The following LRBA variants were observed in gnomAD, a reference collection of about 807,000 sequenced individuals.
The protein encoded by LRBA is lipopolysaccharide-responsive and beige-like anchor protein.
Under a neutral mutation model 330.0 loss-of-function variants are expected in LRBA, and 176 were observed. The ratio of observed to expected loss-of-function variants is 0.53; its 90% CI spans 0.47 to 0.60. The LOEUF (loss-of-function observed/expected upper bound fraction) is 0.60, where lower values mean the gene tolerates loss of function less well. Ranked by LOEUF, LRBA falls within the 20% of genes least tolerant of loss-of-function variation. The pLI is 0.00. For synonymous variants in LRBA, 1,230 were observed against 1,193.0 expected, an observed-to-expected ratio of 1.03 and a Z score of -0.64; for missense variants, 3,259 against 3,444.8, an observed-to-expected ratio of 0.95 and a Z score of 1.35.
Position 150,896,377 on chromosome 4 carries a change from T to A in LRBA, c.2067+17A>T, listed in dbSNP as rs764206843. ...CTTCAAAAATTAAAATTTCAAAATA[T>A]AAAATTCATATATTACCTCATGCAT... On this transcript the variant is annotated intron_variant, in intron 16 of 56. Transcript: ENST00000651943. The A allele has an allele frequency of 3.0e-6, 4 of 1,343,972 alleles. No individual in the cohort carries two copies. Among genetic ancestry groups the A allele is most frequent in the Non-Finnish European group, 4.1e-6 (4 of 964,254 alleles). 83.3% of individuals were successfully genotyped at this position (1,343,972 alleles called of 1,614,324 possible).
At chr4:150,605,602 G>C (rs1406561368) in intron 37 of LRBA, among the ~76,000 whole-genome samples, 1 of 151,892 alleles carries the variant, frequency 6.6e-6, no homozygotes, top group Non-Finnish European at 1.5e-5. Context: ...GAAATAAATG[G>C]TAACCCCTAA....
chr4:150,759,305 C>A lies in LRBA; in HGVS notation c.5645+2478G>T, dbSNP rs147695727. 7.2e-5 allele frequency among the ~76,000 whole-genome samples: 11 copies of A among 152,304 alleles called. No homozygotes were observed. The East Asian group carries it at 2.1e-3, about 29-fold the overall frequency. On this transcript the variant is annotated intron_variant, in intron 35 of 56. Coordinates refer to ENST00000651943, the MANE Select transcript of LRBA (RefSeq NM_001364905.1). ...CTGTCATTTCCCACAGAATAAATTA[C>A]AAAGCCTCTACACAAAATCTTGCCC... is the stretch of plus-strand genomic sequence containing the variant.
intron 47 of LRBA, among the ~76,000 whole-genome samples, chr4:150,412,877 G>A (rs538425391): frequency 6.6e-6 from 1 of 150,786 alleles, no homozygotes; most frequent in East Asian, 1.9e-4. Context: ...CTAATATTTA[G>A]TTAAAACATT....
In LRBA at chr4:150,778,021, C is replaced by T. The variant is rs570646373; in HGVS notation, c.5581-16174G>A. Among the ~76,000 whole-genome samples the T allele has an allele frequency of 1.3e-4, 19 of 147,492 alleles. No individual in the cohort carries two copies. In the South Asian group the frequency reaches 1.5e-3, roughly 12 times the overall value. On this transcript the variant is annotated intron_variant, in intron 34 of 56. Coordinates refer to ENST00000651943, the MANE Select transcript of LRBA (RefSeq NM_001364905.1). ...AAAACTAGGCAAAACTGTTCATGCT[C>T]AAGATACAGTAATCTTAAGTGCTCA...
chr4:150,412,256 T>C (rs1175560456), intron 47 of LRBA, among the ~76,000 whole-genome samples: 4 of 152,164 alleles, frequency 2.6e-5, no homozygotes, highest in African/African-American at 9.7e-5. Flanking sequence ...AAGACATCTA[T>C]AAAACTCAAG....
Position 150,906,426 on chromosome 4 carries a change from G to A in LRBA, c.1494-21C>T, listed in dbSNP as rs116169005. ...TTGAACTAGAATTTTTTAAAAAGGC[G>A]ATGATTAAAAAAACATATTCTATTT... On this transcript the variant is annotated intron_variant, in intron 11 of 56. Transcript: ENST00000651943. The A allele has an allele frequency of 1.3e-3, 1,721 of 1,295,682 alleles. 18 individuals carry two copies. The African/African-American group carries it at 0.02, about 15-fold the overall frequency. The allele number at this position is 1,295,682 out of a possible 1,614,324, so 80.3% of individuals were successfully genotyped here. A position where few individuals can be genotyped will look rare whatever the true frequency, so the allele number is the denominator to read the frequency against.
chr4:150,825,655 G>A (rs1347842838), intron 30 of LRBA, among the ~76,000 whole-genome samples: 1 of 152,070 alleles, frequency 6.6e-6, no homozygotes, highest in Non-Finnish European at 1.5e-5. Context: ...TGTCTCTCCA[G>A]TAAACTGTGT....
At chr4:150,851,633 C>T (rs1238182195) in intron 23 of LRBA, among the ~76,000 whole-genome samples, 2 of 152,128 alleles carry the variant, frequency 1.3e-5, no homozygotes, top group Non-Finnish European at 2.9e-5. Context: ...TAAAATTATA[C>T]CAATCCTTCA....
intron 2 of LRBA, among the ~76,000 whole-genome samples, chr4:150,996,628 T>G (rs955510818): frequency 6.6e-6 from 1 of 152,216 alleles, no homozygotes; most frequent in Non-Finnish European, 1.5e-5. Context: ...GATAAAAGTT[T>G]TAAAATAATT....
chr4:151,010,638 T>C (rs1303851480), intron 2 of LRBA, among the ~76,000 whole-genome samples: 5 of 152,020 alleles, frequency 3.3e-5, no homozygotes, highest in African/African-American at 4.8e-5. Context: ...CCCAGCACTT[T>C]GGGAAGGCCA....
chr4:150,578,955 G>T, intron 40 of LRBA: 1 of 279,124 alleles, frequency 3.6e-6, no homozygotes, highest in African/African-American at 2.2e-5. Context: ...CAAATAAAAT[G>T]TCCTGCAGCC....
intron 28 of LRBA, among the ~76,000 whole-genome samples, chr4:150,832,575 G>A (rs1445677143): frequency 2.0e-5 from 3 of 152,116 alleles, no homozygotes; most frequent in Admixed American, 6.6e-5. Flanking sequence ...AAGCCTGGGC[G>A]ACAGAGTGAG....
chr4:150,977,741 G>A (rs369969420), intron 2 of LRBA, among the ~76,000 whole-genome samples: 14 of 152,348 alleles, frequency 9.2e-5, no homozygotes, highest in Admixed American at 6.5e-4. Flanking sequence ...GGCCTTAAGC[G>A]AACATTGGCA....
intron 44 of LRBA, among the ~76,000 whole-genome samples, chr4:150,462,996 G>A (rs537336651): frequency 6.6e-6 from 1 of 151,994 alleles, no homozygotes; most frequent in South Asian, 2.1e-4. Flanking sequence ...ATTTTGGCAA[G>A]CCTTAATACT....
At chr4:150,512,709 C>T (rs1399365231) in intron 40 of LRBA, among the ~76,000 whole-genome samples, 13 of 105,812 alleles carry the variant, frequency 1.2e-4, no homozygotes, top group Non-Finnish European at 2.3e-4. Context: ...AAAGACAGTG[C>T]TTTTTGAGAA....
At chr4:150,951,280 AC>A (rs1200012803) in intron 2 of LRBA, among the ~76,000 whole-genome samples, 2 of 152,200 alleles carry the variant, frequency 1.3e-5, no homozygotes, top group Non-Finnish European at 2.9e-5. Flanking sequence ...TATGGCACAT[AC>A]GTATAGTTGT....
At chr4:150,267,699 T>TTGA (rs1467509990) in intron 56 of LRBA, among the ~76,000 whole-genome samples, 4 of 151,934 alleles carry the variant, frequency 2.6e-5, no homozygotes, top group South Asian at 4.1e-4. Context: ...AGTAAAATGA[T>TTGA]TGATAGGAAA....
intron 30 of LRBA, among the ~76,000 whole-genome samples, chr4:150,822,057 A>AT: frequency 6.6e-6 from 1 of 152,056 alleles, no homozygotes. Context: ...CCAAGGCAGC[A>AT]TGAAAGTTTT....
chr4:150,492,688 G>A (rs1249839238), intron 40 of LRBA, among the ~76,000 whole-genome samples: 1 of 152,124 alleles, frequency 6.6e-6, no homozygotes, highest in Admixed American at 6.5e-5. Flanking sequence ...CCCATGACAT[G>A]TATAATAAAC....
Sources: gnomAD v4.1 joint callset for allele counts (sites outside exome capture counted in the v4.1 genomes callset) on GRCh38, gnomAD v4.1.1 for gene constraint, MANE v1.5 for transcripts, NCBI Gene and HGNC (gene_info 2026-07-23, HGNC 2026-07-21) for gene names.